ENPP6: variants seen among roughly 807,000 people sequenced by gnomAD.
ENPP6 encodes the protein glycerophosphocholine cholinephosphodiesterase ENPP6.
In ENPP6, 32 loss-of-function variants were observed where a neutral mutation model predicts 42.0. The observed-to-expected ratio is 0.76, with a 90% CI of 0.58 to 1.02. The LOEUF is 1.02. Among genes scored for constraint, ENPP6 ranks in the 50% least tolerant of loss-of-function variants. The probability of loss-of-function intolerance (pLI) is 0.00; values close to 1 mark genes in which losing one functional copy is unlikely to be tolerated. For missense variants in ENPP6, 552 were observed against 566.8 expected, an observed-to-expected ratio of 0.97 and a Z score of 0.27; for synonymous variants, 213 against 216.0, an observed-to-expected ratio of 0.99 and a Z score of 0.12.
At chr4:184,093,999 G>T (rs1394961772) in intron 7 of ENPP6, among the ~76,000 whole-genome samples, 3 of 152,120 alleles carry the variant, frequency 2.0e-5, no homozygotes, top group Non-Finnish European at 2.9e-5. Context: ...TCCATTTGTG[G>T]CTGGGCACTA....
chr4:184,153,681 G>A lies in ENPP6; in HGVS notation c.294C>T (p.Thr98=). ...QMIGNYMWDP[T]TNKSFDIGVN... ...CGCCAATGTCAAAGGACTTGTTGGT[G>A]GTGGGGTCCCACATGTAGTTCCCGA... Residue 98 remains threonine (T), a synonymous_variant, in exon 2 of 8, where the codon ACC becomes ACT. Transcript: ENST00000296741. 1 of 1,614,136 alleles carries A rather than the reference G, an allele frequency of 6.2e-7. No individual in the cohort carries two copies. The highest frequency in any genetic ancestry group is 1.1e-5 in the South Asian group (1 of 91,076).
intron 1 of ENPP6, among the ~76,000 whole-genome samples, chr4:184,166,581 G>T (rs1313584652): frequency 6.6e-6 from 1 of 152,204 alleles, no homozygotes; most frequent in African/African-American, 2.4e-5. Context: ...GAAATTTCCT[G>T]ACAATCCAAT....
intron 1 of ENPP6, among the ~76,000 whole-genome samples, chr4:184,165,365 A>G (rs530870892): frequency 6.6e-6 from 1 of 152,316 alleles, no homozygotes; most frequent in South Asian, 2.1e-4. Context: ...CTGGAGCCGC[A>G]CAGCTAGGAA....
chr4:184,117,749 T>G lies in ENPP6; in HGVS notation c.675+10A>C. On this transcript the variant is annotated intron_variant, in intron 4 of 7. Transcript: ENST00000296741. Reference sequence around the variant, plus strand: ...AGAAGGCCAGGCCACGTGTCTTTGCTTCAGGTCACCTGGATCCACTTGGTC... The same window carrying G: ...AGAAGGCCAGGCCACGTGTCTTTGCGTCAGGTCACCTGGATCCACTTGGTC... 2 of 1,612,782 alleles carry G rather than the reference T, an allele frequency of 1.2e-6. No homozygotes were observed. Among genetic ancestry groups the G allele is most frequent in the Non-Finnish European group, 1.7e-6 (2 of 1,178,832 alleles).
intron 2 of ENPP6, among the ~76,000 whole-genome samples, chr4:184,152,227 G>T (rs1737064184): frequency 6.6e-6 from 1 of 152,188 alleles, no homozygotes; most frequent in African/African-American, 2.4e-5. Context: ...CGGTCTCCGT[G>T]TGTCTGTGTT....
At chr4:184,143,323 T>G (rs1444733147) in intron 2 of ENPP6, among the ~76,000 whole-genome samples, 3 of 152,250 alleles carry the variant, frequency 2.0e-5, no homozygotes, top group African/African-American at 7.2e-5. Flanking sequence ...TGGAGTCTCA[T>G]GGTCTCCCAG....
intron 3 of ENPP6, among the ~76,000 whole-genome samples, chr4:184,121,305 G>T (rs977503166): frequency 1.3e-5 from 2 of 152,164 alleles, no homozygotes; most frequent in South Asian, 4.1e-4. Flanking sequence ...CTTGGGCGAG[G>T]GATTCTCTTT....
chr4:184,133,911 A>T (rs1227951673), intron 2 of ENPP6, among the ~76,000 whole-genome samples: 1 of 148,210 alleles, frequency 6.7e-6, no homozygotes, highest in Non-Finnish European at 1.5e-5. Flanking sequence ...TCTGTCACCC[A>T]GGCTGGAGTG....
chr4:184,209,879 G>C (rs888814552), intron 1 of ENPP6, among the ~76,000 whole-genome samples: 3 of 139,686 alleles, frequency 2.1e-5, no homozygotes, highest in Non-Finnish European at 4.5e-5. Context: ...CAGACTAACA[G>C]TGGATCTCTC....
intron 1 of ENPP6, among the ~76,000 whole-genome samples, chr4:184,181,160 A>T (rs1732545593): frequency 6.6e-6 from 1 of 152,212 alleles, no homozygotes; most frequent in Non-Finnish European, 1.5e-5. Flanking sequence ...ACTTCAGCAA[A>T]ATCTCAGGAT....
chr4:184,122,974 G>A (rs1736444035), intron 3 of ENPP6, among the ~76,000 whole-genome samples: 1 of 152,142 alleles, frequency 6.6e-6, no homozygotes, highest in Non-Finnish European at 1.5e-5. Context: ...ATCCTTGTGT[G>A]GTTCTCCAGC....
At chr4:184,144,450 C>T (rs1049774511) in intron 2 of ENPP6, among the ~76,000 whole-genome samples, 6 of 152,222 alleles carry the variant, frequency 3.9e-5, no homozygotes, top group Non-Finnish European at 7.3e-5. Context: ...CCCCGCCACT[C>T]ACTTTCCTCT....
At chr4:184,169,646 G>A (rs78295895) in intron 1 of ENPP6, among the ~76,000 whole-genome samples, 2,876 of 152,344 alleles carry the variant, frequency 0.019, 52 homozygotes, top group Middle Eastern at 0.031. Context: ...GAGGGCACCA[G>A]TTGAGAGCCA....
chr4:184,102,459 T>TATATTTTGGA (rs1736021448), intron 6 of ENPP6, among the ~76,000 whole-genome samples: 3 of 152,236 alleles, frequency 2.0e-5, no homozygotes. Context: ...TACATGATCA[T>TATATTTTGGA]ATATATTTCT....
chr4:184,194,032 TCTTC>T (rs1270160350), intron 1 of ENPP6, among the ~76,000 whole-genome samples: 2 of 152,222 alleles, frequency 1.3e-5, no homozygotes, highest in Non-Finnish European at 1.5e-5. Flanking sequence ...GCTCTTTGCC[TCTTC>T]CTTGTCTCCT....
At chr4:184,118,337 G>A (rs531128922) in intron 3 of ENPP6, among the ~76,000 whole-genome samples, 1 of 152,050 alleles carries the variant, frequency 6.6e-6, no homozygotes. Context: ...CTATAGTGAG[G>A]AGTTTTCATG....
chr4:184,163,367 C>A (rs1737297941), intron 1 of ENPP6, among the ~76,000 whole-genome samples: 2 of 152,070 alleles, frequency 1.3e-5, no homozygotes, highest in Admixed American at 6.5e-5. Flanking sequence ...GCCACAATTC[C>A]AATAAGTAGT....
rs200953804 is a variant in ENPP6, at chr4:184,116,837, C to T, written c.855+19G>A. The stretch of plus-strand genomic sequence containing the variant: ...AGGGCCCACATGGCCCTCCTCCGCC[C>T]CCCACGGGTCTGTCTTGCCTCAGAG... On this transcript the variant is annotated intron_variant, in intron 5 of 7. Coordinates refer to ENST00000296741, the MANE Select transcript of ENPP6 (RefSeq NM_153343.4). 42 of 1,612,140 alleles carry T rather than the reference C, an allele frequency of 2.6e-5. No individual in the cohort carries two copies. The highest frequency in any genetic ancestry group is 2.0e-4 in the Middle Eastern group (1 of 4,946).
intron 1 of ENPP6, among the ~76,000 whole-genome samples, chr4:184,198,218 G>A (rs554731217): frequency 6.6e-6 from 1 of 152,350 alleles, no homozygotes; most frequent in Admixed American, 6.5e-5. Context: ...CACAGAGCTG[G>A]GAAAAGCCCA....
Sources: gnomAD v4.1 joint callset for allele counts (sites outside exome capture counted in the v4.1 genomes callset) on GRCh38, gnomAD v4.1.1 for gene constraint, MANE v1.5 for transcripts, NCBI Gene and HGNC (gene_info 2026-07-23, HGNC 2026-07-21) for gene names.